Variants in CDH13 observed in about 807,000 individuals in gnomAD.
CDH13 encodes the protein cadherin 13.
Under a neutral mutation model 63.8 loss-of-function variants are expected in CDH13, and 24 were observed. The observed-to-expected ratio is 0.38, with a 90% confidence interval of 0.27 to 0.53. The LOEUF is 0.53. Among genes scored for constraint, CDH13 ranks in the 20% least tolerant of loss-of-function variants. The pLI is 0.85. For synonymous variants in CDH13, 503 were observed against 355.3 expected, an observed-to-expected ratio of 1.42 and a Z score of -4.67; for missense variants, 1,049 against 903.1, an observed-to-expected ratio of 1.16 and a Z score of -2.07.
chr16:83,256,844 CAAAAAAAA>C (rs57312967), intron 5 of CDH13, among the ~76,000 whole-genome samples: 1 of 78,688 alleles, frequency 1.3e-5, no homozygotes, highest in Non-Finnish European at 2.4e-5. Context: ...GACTCCATCT[CAAAAAAAA>C]AAAAAAAAAA....
chr16:82,662,342 T>A (rs1912049136), intron 1 of CDH13, among the ~76,000 whole-genome samples: 1 of 152,250 alleles, frequency 6.6e-6, no homozygotes, highest in Non-Finnish European at 1.5e-5. Flanking sequence ...GGTAGATGTT[T>A]ACTTTTTATT....
chr16:83,480,941 A>G (rs16960622), intron 6 of CDH13, among the ~76,000 whole-genome samples: 39,167 of 152,132 alleles, frequency 0.26, 5,669 homozygotes, highest in African/African-American at 0.39. Flanking sequence ...ACACAGGGGC[A>G]AACACACAAG....
intron 11 of CDH13, among the ~76,000 whole-genome samples, chr16:83,758,428 A>G (rs1913690521): frequency 6.6e-6 from 1 of 152,164 alleles, no homozygotes; most frequent in African/African-American, 2.4e-5. Flanking sequence ...AATAATGTTT[A>G]GCAAACTAGG....
At position 83,678,378 on chromosome 16, in the gene CDH13, C is replaced by T; in HGVS notation, c.1455C>T (p.Thr485=). The T allele has an allele frequency of 6.2e-7, 1 of 1,613,988 alleles. No individual in the cohort carries two copies. Among genetic ancestry groups the T allele is most frequent in the South Asian group, 1.1e-5 (1 of 91,078 alleles). Residue 485 remains threonine (T), a synonymous_variant, in exon 10 of 14, where the codon ACC becomes ACT. Transcript: ENST00000567109. ...PVFYPDPMMV[T]RQEDLSVGSV... is the part of the protein sequence containing the mutation. Reference sequence around the variant, plus strand: ...TCTACCCAGACCCCATGATGGTGACCAGGCAGGAGGACCTCTCTGTGGGCA... The same window carrying T: ...TCTACCCAGACCCCATGATGGTGACTAGGCAGGAGGACCTCTCTGTGGGCA...
intron 1 of CDH13, among the ~76,000 whole-genome samples, chr16:82,857,456 T>C (rs1281232669): frequency 6.6e-6 from 1 of 152,188 alleles, no homozygotes. Context: ...TATGGCCTTA[T>C]AGCCTTTGCG....
intron 8 of CDH13, among the ~76,000 whole-genome samples, chr16:83,635,081 G>C (rs1911133657): frequency 6.6e-6 from 1 of 152,052 alleles, no homozygotes; most frequent in South Asian, 2.1e-4. Flanking sequence ...CCAGCATTTG[G>C]TGTTATCACT....
chr16:82,876,188 A>C (rs999127813), intron 2 of CDH13, among the ~76,000 whole-genome samples: 1 of 152,234 alleles, frequency 6.6e-6, no homozygotes, highest in Admixed American at 6.5e-5. Flanking sequence ...GTGGGGAGAC[A>C]GCTAAACCAT....
chr16:83,286,145 A>G (rs2089306931), intron 5 of CDH13, among the ~76,000 whole-genome samples: 2 of 152,106 alleles, frequency 1.3e-5, no homozygotes, highest in Admixed American at 6.6e-5. Flanking sequence ...TGAGGCATGA[A>G]CTGGATTCCA....
rs1205290870 is a variant in CDH13, at chr16:83,174,726, A to G, written c.484-42619A>G. 2.0e-5 allele frequency among the ~76,000 whole-genome samples: 3 copies of G among 152,140 alleles called. No homozygotes were observed. The East Asian group carries it at 5.8e-4, about 29-fold the overall frequency. On this transcript the variant is annotated intron_variant, in intron 4 of 13. Coordinates refer to ENST00000567109, the MANE Select transcript of CDH13 (RefSeq NM_001257.5). ...ACCTGAGATTAGGTAATATATAAAG[A>G]AAAAAGGTTTCCTTGACTCACATTT... is the stretch of plus-strand genomic sequence containing the variant.
At chr16:83,751,441 A>T (rs971837172) in intron 11 of CDH13, among the ~76,000 whole-genome samples, 1 of 150,294 alleles carries the variant, frequency 6.7e-6, no homozygotes, top group African/African-American at 2.4e-5. Context: ...CTAAAAAAAA[A>T]ATATACCTCC....
chr16:83,065,549 A>G (rs748268276), intron 3 of CDH13, among the ~76,000 whole-genome samples: 4 of 152,048 alleles, frequency 2.6e-5, no homozygotes, highest in Non-Finnish European at 4.4e-5. Flanking sequence ...TACTAAAAAT[A>G]TGAAAATTAG....
chr16:83,508,965 G>A (rs1186986543), intron 7 of CDH13, among the ~76,000 whole-genome samples: 2 of 119,486 alleles, frequency 1.7e-5, no homozygotes, highest in African/African-American at 6.4e-5. Flanking sequence ...ATGCATAGGT[G>A]TGTACATGCC....
At chr16:83,653,661 A>C (rs1281750837) in intron 8 of CDH13, among the ~76,000 whole-genome samples, 1 of 152,202 alleles carries the variant, frequency 6.6e-6, no homozygotes, top group Non-Finnish European at 1.5e-5. Flanking sequence ...TAAATGAAGA[A>C]TCAATCTGTT....
At chr16:82,898,827 G>T (rs907347700) in intron 2 of CDH13, among the ~76,000 whole-genome samples, 2 of 152,056 alleles carry the variant, frequency 1.3e-5, no homozygotes, top group Non-Finnish European at 2.9e-5. Context: ...GTTGTCTCAA[G>T]TTGGGTTTTC....
chr16:83,041,075 C>G (rs543399087), intron 3 of CDH13, among the ~76,000 whole-genome samples: 1 of 152,138 alleles, frequency 6.6e-6, no homozygotes, highest in Non-Finnish European at 1.5e-5. Context: ...TTAACAAACT[C>G]CAAAAGACCT....
chr16:82,817,141 T>C (rs945943302), intron 1 of CDH13, among the ~76,000 whole-genome samples: 1 of 151,914 alleles, frequency 6.6e-6, no homozygotes, highest in African/African-American at 2.4e-5. Context: ...TTGTCTTGAC[T>C]CTCCTTTCAT....
intron 5 of CDH13, among the ~76,000 whole-genome samples, chr16:83,234,094 A>C (rs938916599): frequency 5.3e-5 from 8 of 152,220 alleles, no homozygotes; most frequent in African/African-American, 1.9e-4. Context: ...CGGAAGGAGA[A>C]GTAACTCTGG....
chr16:82,928,492 C>G (rs561623551), intron 2 of CDH13, among the ~76,000 whole-genome samples: 16 of 152,302 alleles, frequency 1.1e-4, no homozygotes, highest in African/African-American at 3.6e-4. Context: ...CTATTCAATT[C>G]CACACACCAG....
intron 10 of CDH13, among the ~76,000 whole-genome samples, chr16:83,701,559 C>G (rs943864786): frequency 6.6e-6 from 1 of 152,132 alleles, no homozygotes; most frequent in Non-Finnish European, 1.5e-5. Context: ...AACTAAAACC[C>G]TGGAGTCTCT....
Sources: gnomAD v4.1 joint callset for allele counts (sites outside exome capture counted in the v4.1 genomes callset) on GRCh38, gnomAD v4.1.1 for gene constraint, MANE v1.5 for transcripts, NCBI Gene and HGNC (gene_info 2026-07-23, HGNC 2026-07-21) for gene names.